FOXN3: variants seen among roughly 807,000 people sequenced by gnomAD.
FOXN3 encodes the protein forkhead box N3.
FOXN3 carries 7 observed loss-of-function variants against 38.4 expected under a neutral mutation model. The observed-to-expected ratio is 0.18, with a 90% CI of 0.10 to 0.34. The LOEUF (loss-of-function observed/expected upper bound fraction) is 0.34, where lower values mean the gene tolerates loss of function less well. FOXN3 is among the 10% of genes least tolerant of loss of function. The probability of loss-of-function intolerance (pLI) is 1.00; values close to 1 mark genes in which losing one functional copy is unlikely to be tolerated. For synonymous variants in FOXN3, 230 were observed against 242.2 expected, an observed-to-expected ratio of 0.95 and a Z score of 0.47; for missense variants, 456 against 613.4, an observed-to-expected ratio of 0.74 and a Z score of 2.71.
intron 4 of FOXN3, among the ~76,000 whole-genome samples, chr14:89,192,925 C>G (rs2139810529): frequency 6.6e-6 from 1 of 152,142 alleles, no homozygotes; most frequent in African/African-American, 2.4e-5. Flanking sequence ...CCCACAGGGC[C>G]TGTTGCCTGC....
chr14:89,505,439 T>C (rs923346945), intron 1 of FOXN3, among the ~76,000 whole-genome samples: 2 of 152,082 alleles, frequency 1.3e-5, no homozygotes, highest in Non-Finnish European at 2.9e-5. Context: ...CACGCCTGAC[T>C]GGTTTTCGTA....
intron 4 of FOXN3, among the ~76,000 whole-genome samples, chr14:89,232,343 T>C (rs1884837355): frequency 6.6e-6 from 1 of 152,226 alleles, no homozygotes; most frequent in African/African-American, 2.4e-5. Flanking sequence ...GTGTTACTGA[T>C]GACCAATAGA....
chr14:89,360,799 C>T (rs1596217216), intron 2 of FOXN3, among the ~76,000 whole-genome samples: 1 of 116,572 alleles, frequency 8.6e-6, no homozygotes, highest in South Asian at 3.3e-4. Context: ...ACCACCACCA[C>T]CTCCAGCACC....
At chr14:89,608,074 G>C (rs1596331641) in intron 1 of FOXN3, among the ~76,000 whole-genome samples, 1 of 152,174 alleles carries the variant, frequency 6.6e-6, no homozygotes, top group East Asian at 1.9e-4. Flanking sequence ...CGCTTCCCAG[G>C]TTCACGCCAT....
chr14:89,603,911 C>T (rs549798041), intron 1 of FOXN3, among the ~76,000 whole-genome samples: 1 of 152,176 alleles, frequency 6.6e-6, no homozygotes, highest in East Asian at 1.9e-4. Flanking sequence ...CATCCAGCTA[C>T]AGAGAGGACT....
chr14:89,402,344 T>C (rs867662272), intron 2 of FOXN3, among the ~76,000 whole-genome samples: 4 of 152,236 alleles, frequency 2.6e-5, no homozygotes, highest in Admixed American at 2.0e-4. Flanking sequence ...ACAGTCCCTA[T>C]TCTTATTTAC....
intron 2 of FOXN3, among the ~76,000 whole-genome samples, chr14:89,383,702 C>T (rs902512299): frequency 1.3e-5 from 2 of 152,120 alleles, no homozygotes; most frequent in Admixed American, 6.5e-5. Context: ...TCGTAAGGGA[C>T]GCTAGTCAAT....
intron 2 of FOXN3, among the ~76,000 whole-genome samples, chr14:89,381,629 T>G (rs957745559): frequency 6.9e-6 from 1 of 144,302 alleles, no homozygotes; most frequent in Non-Finnish European, 1.5e-5. Context: ...GAGGCAGAGG[T>G]AGGAACATCA....
At chr14:89,238,311 C>G (rs1885040137) in intron 4 of FOXN3, among the ~76,000 whole-genome samples, 1 of 152,184 alleles carries the variant, frequency 6.6e-6, no homozygotes, top group African/African-American at 2.4e-5. Flanking sequence ...CACTCTGTTT[C>G]TTGACTGGAT....
rs74081105 is a variant in FOXN3, at chr14:89,346,467, G to A, written c.680+4205C>T. Among the ~76,000 whole-genome samples, 1,267 of 152,246 alleles carry A rather than the reference G, an allele frequency of 8.3e-3. 15 individuals carry two copies. The highest frequency in any genetic ancestry group is 0.029 in the African/African-American group (1,223 of 41,546). On this transcript the variant is annotated intron_variant, in intron 3 of 5. Transcript: ENST00000557258. ...GAGGAGTGAGGATCAAGTTATTTTT[G>A]TAGAATGTCCCTGCTGAAGGACAAA...
At chr14:89,585,806 T>C (rs1895830383) in intron 1 of FOXN3, among the ~76,000 whole-genome samples, 1 of 146,948 alleles carries the variant, frequency 6.8e-6, no homozygotes, top group African/African-American at 2.5e-5. Context: ...AGAAAAATAA[T>C]AGACACAACA....
chr14:89,360,350 AAGGGAGGGAGGG>A (rs55922140), intron 2 of FOXN3, among the ~76,000 whole-genome samples: 3 of 135,220 alleles, frequency 2.2e-5, no homozygotes, highest in Non-Finnish European at 3.1e-5. Context: ...GAGAAAGAGA[AAGGGAGGGAGGG>A]AGGGAGGGAG....
intron 4 of FOXN3, among the ~76,000 whole-genome samples, chr14:89,181,013 C>T (rs188992261): frequency 9.3e-5 from 14 of 150,806 alleles, no homozygotes; most frequent in East Asian, 3.9e-4. Flanking sequence ...CAGTCATGCA[C>T]GCGCACACAC....
At chr14:89,595,185 C>A (rs1306923721) in intron 1 of FOXN3, among the ~76,000 whole-genome samples, 3 of 151,568 alleles carry the variant, frequency 2.0e-5, no homozygotes, top group African/African-American at 7.3e-5. Context: ...ATTAGCCGGG[C>A]ACGGTGGCAG....
intron 4 of FOXN3, among the ~76,000 whole-genome samples, chr14:89,203,746 C>T (rs901630290): frequency 6.6e-6 from 1 of 152,142 alleles, no homozygotes; most frequent in Non-Finnish European, 1.5e-5. Flanking sequence ...CTTCCGCTCC[C>T]AGGGCTCCTT....
chr14:89,243,019 T>A (rs1885185813), intron 4 of FOXN3, among the ~76,000 whole-genome samples: 1 of 152,094 alleles, frequency 6.6e-6, no homozygotes, highest in African/African-American at 2.4e-5. Context: ...TCCTGCCCCC[T>A]GATGGGAGAC....
intron 3 of FOXN3, among the ~76,000 whole-genome samples, chr14:89,335,483 G>T (rs945139624): frequency 3.9e-5 from 6 of 152,184 alleles, no homozygotes; most frequent in Non-Finnish European, 8.8e-5. Context: ...TCTAAGTCTT[G>T]CCTCAGCAAA....
intron 4 of FOXN3, among the ~76,000 whole-genome samples, chr14:89,224,103 T>A (rs533085424): frequency 9.8e-5 from 15 of 152,326 alleles, no homozygotes; most frequent in Admixed American, 9.1e-4. Flanking sequence ...TAAGGTCATA[T>A]ATACTATACA....
At chr14:89,374,799 A>AT (rs1311842940) in intron 2 of FOXN3, among the ~76,000 whole-genome samples, 1 of 151,716 alleles carries the variant, frequency 6.6e-6, no homozygotes, top group Non-Finnish European at 1.5e-5. Flanking sequence ...GTGAAACCCC[A>AT]TGTCTACTAT....
Sources: gnomAD v4.1 joint callset for allele counts (sites outside exome capture counted in the v4.1 genomes callset) on GRCh38, gnomAD v4.1.1 for gene constraint, MANE v1.5 for transcripts, NCBI Gene and HGNC (gene_info 2026-07-23, HGNC 2026-07-21) for gene names.